Variants in ADAMTS12 observed in about 807,000 individuals in gnomAD.
The protein encoded by ADAMTS12 is ADAM metallopeptidase with thrombospondin type 1 motif 12, also known as A disintegrin and metalloproteinase with thrombospondin motifs 12.
A neutral mutation model predicts 167.8 loss-of-function variants in ADAMTS12; 118 were observed. That is an observed-to-expected ratio of 0.70 (90% CI 0.61 to 0.82). The LOEUF (loss-of-function observed/expected upper bound fraction) is 0.82, where lower values mean the gene tolerates loss of function less well. Ranked by LOEUF, ADAMTS12 falls within the 40% of genes least tolerant of loss-of-function variation. The pLI is 0.00. For missense variants in ADAMTS12, 1,916 were observed against 1,998.8 expected, an observed-to-expected ratio of 0.96 and a Z score of 0.79; for synonymous variants, 704 against 716.9, an observed-to-expected ratio of 0.98 and a Z score of 0.29.
chr5:33,698,895 G>A (rs1333684396), intron 3 of ADAMTS12, among the ~76,000 whole-genome samples: 11 of 151,714 alleles, frequency 7.3e-5, no homozygotes, highest in East Asian at 3.9e-4. Flanking sequence ...GGTGGCTTAC[G>A]CCTGTAATCC....
chr5:33,849,907 CATATAGATAGCATGTGTATATAATATATA>C (rs1749158035), intron 2 of ADAMTS12, among the ~76,000 whole-genome samples: 1 of 151,624 alleles, frequency 6.6e-6, no homozygotes, highest in Admixed American at 6.6e-5. Context: ...GTATTACCTA[CATATAGATAGCATGTGTATATAATATATA>C]CACACACTAT....
chr5:33,639,531 A>G (rs1282123363), intron 11 of ADAMTS12, among the ~76,000 whole-genome samples: 4 of 152,202 alleles, frequency 2.6e-5, no homozygotes, highest in African/African-American at 9.7e-5. Flanking sequence ...AGTCCTTCTC[A>G]GTGCAAAGGC....
chr5:33,556,120 T>G (rs1490073193), intron 20 of ADAMTS12, among the ~76,000 whole-genome samples: 1 of 152,242 alleles, frequency 6.6e-6, no homozygotes, highest in Non-Finnish European at 1.5e-5. Flanking sequence ...CATTTTCTCT[T>G]TTGATCCTTA....
chr5:33,784,826 T>C (rs1333929524), intron 2 of ADAMTS12, among the ~76,000 whole-genome samples: 1 of 152,106 alleles, frequency 6.6e-6, no homozygotes, highest in Admixed American at 6.6e-5. Context: ...AATAAGCTGA[T>C]TCTAACATTT....
At chr5:33,596,952 A>G (rs747265190) in intron 16 of ADAMTS12, among the ~76,000 whole-genome samples, 71 of 152,210 alleles carry the variant, frequency 4.7e-4, no homozygotes, top group Non-Finnish European at 8.1e-4. Context: ...AGGGACTCAC[A>G]CAGGGTCTAT....
At chr5:33,734,326 C>T (rs1744293529) in intron 3 of ADAMTS12, among the ~76,000 whole-genome samples, 1 of 152,154 alleles carries the variant, frequency 6.6e-6, no homozygotes, top group South Asian at 2.1e-4. Context: ...CACAGCTCTG[C>T]AAAGCCTGAC....
chr5:33,696,375 C>T (rs1408828634), intron 3 of ADAMTS12, among the ~76,000 whole-genome samples: 2 of 148,930 alleles, frequency 1.3e-5, no homozygotes, highest in African/African-American at 2.5e-5. Context: ...GAGCCGAGAT[C>T]GCGCCACTGC....
chr5:33,694,329 G>T (rs370846076), intron 3 of ADAMTS12, among the ~76,000 whole-genome samples: 83 of 152,234 alleles, frequency 5.5e-4, no homozygotes, highest in Middle Eastern at 3.4e-3. Context: ...CATCTAAATT[G>T]TTCCTCTAGT....
chr5:33,815,493 T>C (rs1194201659), intron 2 of ADAMTS12, among the ~76,000 whole-genome samples: 1 of 152,200 alleles, frequency 6.6e-6, no homozygotes, highest in Non-Finnish European at 1.5e-5. Context: ...AACCTGACCA[T>C]CCTGGTGCCC....
At chr5:33,805,030 T>C (rs1451110360) in intron 2 of ADAMTS12, among the ~76,000 whole-genome samples, 1 of 152,110 alleles carries the variant, frequency 6.6e-6, no homozygotes, top group Admixed American at 6.5e-5. Flanking sequence ...CTCATGAGAG[T>C]GAGCATCATG....
intron 16 of ADAMTS12, among the ~76,000 whole-genome samples, chr5:33,608,907 A>G (rs2112076834): frequency 6.6e-6 from 1 of 152,268 alleles, no homozygotes; most frequent in South Asian, 2.1e-4. Context: ...AGCTACTAGG[A>G]TGCGCGCATA....
In ADAMTS12 at chr5:33,559,895, A is replaced by G. The variant is rs114701031; in HGVS notation, c.4125+1132T>C. 8.2e-3 allele frequency among the ~76,000 whole-genome samples: 1,247 copies of G among 152,272 alleles called. 21 individuals carry two copies. Among genetic ancestry groups the G allele is most frequent in the African/African-American group, 0.029 (1,186 of 41,548 alleles). On this transcript the variant is annotated intron_variant, in intron 20 of 23. Transcript: ENST00000504830. Reference sequence around the variant, plus strand: ...ACTCCATCTCAAAAAAATAAAAATAAAAATAAATAAGAAGATCAGTGCAGG... The same window carrying G: ...ACTCCATCTCAAAAAAATAAAAATAGAAATAAATAAGAAGATCAGTGCAGG...
At chr5:33,737,052 G>A (rs954401785) in intron 3 of ADAMTS12, among the ~76,000 whole-genome samples, 4 of 152,206 alleles carry the variant, frequency 2.6e-5, no homozygotes, top group African/African-American at 9.7e-5. Context: ...GAAAAACTGA[G>A]ATCAAGGGAA....
chr5:33,870,316 C>A (rs181326872), intron 2 of ADAMTS12, among the ~76,000 whole-genome samples: 21 of 152,270 alleles, frequency 1.4e-4, no homozygotes, highest in African/African-American at 4.1e-4. Context: ...AGACTATTGA[C>A]TGGGGAAGTG....
chr5:33,582,920 T>C (rs1747142031), intron 18 of ADAMTS12, among the ~76,000 whole-genome samples: 1 of 152,258 alleles, frequency 6.6e-6, no homozygotes, highest in African/African-American at 2.4e-5. Flanking sequence ...AGGCATGCAA[T>C]GTGAAATAAG....
At position 33,637,712 on chromosome 5, in the gene ADAMTS12, T is replaced by C. The variant is rs757422221; in HGVS notation, c.1753A>G (p.Arg585Gly). 4.3e-6 allele frequency: 7 copies of C among 1,613,446 alleles called. No homozygotes were observed. Among genetic ancestry groups the C allele is most frequent in the Non-Finnish European group, 5.9e-6 (7 of 1,179,612 alleles). Residue 585 changes from arginine (R) to glycine (G), a missense_variant, in exon 12 of 24, where the codon AGA becomes GGA. Arg to Gly is a moderately radical substitution (Grantham distance 125). Transcript: ENST00000504830. ...KFGGKYCTGE[R>G]KRYRLCNVHP... ...ACGTTGCACAAGCGATAGCGTTTTC[T>C]TTCTCCAGTGCAATATTTCCCTCCA...
chr5:33,879,531 G>A (rs1750351254), intron 2 of ADAMTS12, among the ~76,000 whole-genome samples: 1 of 152,156 alleles, frequency 6.6e-6, no homozygotes, highest in Non-Finnish European at 1.5e-5. Context: ...GTGGAGCTGG[G>A]AAATGTTCTG....
intron 3 of ADAMTS12, among the ~76,000 whole-genome samples, chr5:33,694,537 C>T (rs550220480): frequency 4.6e-5 from 7 of 152,136 alleles, no homozygotes; most frequent in East Asian, 1.9e-4. Flanking sequence ...TAAAAAGGTT[C>T]GAAAATAAGA....
chr5:33,564,183 G>A (rs1338237461), intron 19 of ADAMTS12, among the ~76,000 whole-genome samples: 1 of 152,218 alleles, frequency 6.6e-6, no homozygotes, highest in Non-Finnish European at 1.5e-5. Context: ...CTGTTTTAGG[G>A]ATCAGGAAAA....
Sources: gnomAD v4.1 joint callset for allele counts (sites outside exome capture counted in the v4.1 genomes callset) on GRCh38, gnomAD v4.1.1 for gene constraint, MANE v1.5 for transcripts, NCBI Gene and HGNC (gene_info 2026-07-23, HGNC 2026-07-21) for gene names.